WDPCP: variants seen among roughly 807,000 people sequenced by gnomAD.
WDPCP encodes the protein WD repeat-containing and planar cell polarity effector protein fritz homolog.
Under a neutral mutation model 93.1 loss-of-function variants are expected in WDPCP, and 71 were observed. The ratio of observed to expected loss-of-function variants is 0.76; its 90% CI spans 0.63 to 0.93. The LOEUF (loss-of-function observed/expected upper bound fraction) is 0.93. WDPCP is among the 40% of genes least tolerant of loss of function. The pLI is 0.00. For synonymous variants in WDPCP, 315 were observed against 315.0 expected (o/e 1.00, Z 0.00); for missense variants, 844 against 887.4 (o/e 0.95, Z 0.62).
In WDPCP at chr2:63,604,105, A is replaced by T. The variant is rs1575726480; in HGVS notation, n.488+46554T>A. Among the ~76,000 whole-genome samples the T allele has an allele frequency of 2.6e-5, 4 of 152,400 alleles. No homozygotes were observed. In the South Asian group the frequency reaches 8.3e-4, roughly 32 times the overall value. ...AGTGTATATATGTGTGTACACACAC[A>T]CACATACACATATATAAAACCTCTT... On this transcript the variant is annotated intron_variant and non_coding_transcript_variant, in intron 3 of 4. Coordinates refer to the WDPCP transcript ENST00000467687.
At chr2:63,313,060 A>G (rs948430645) in intron 13 of WDPCP, among the ~76,000 whole-genome samples, 188 bp downstream of exon 13, 5 of 152,220 alleles carry the variant, frequency 3.3e-5, no homozygotes, top group African/African-American at 9.6e-5. Flanking sequence ...CAAAATGTCA[A>G]CAAATCAAAA....
intron 13 of WDPCP, among the ~76,000 whole-genome samples, chr2:63,297,164 TG>T (rs536537711): frequency 7.2e-5 from 11 of 152,060 alleles, no homozygotes; most frequent in Non-Finnish European, 1.6e-4. Context: ...GGTCCAGAGG[TG>T]GTGAGTTGGA....
At chr2:63,272,721 A>T (rs1197046478) in intron 13 of WDPCP, among the ~76,000 whole-genome samples, 1 of 152,232 alleles carries the variant, frequency 6.6e-6, no homozygotes. Context: ...GATCAAATAC[A>T]AGAAATAATC....
chr2:63,356,519 A>G (rs1690031102), intron 12 of WDPCP, among the ~76,000 whole-genome samples: 1 of 152,252 alleles, frequency 6.6e-6, no homozygotes, highest in Non-Finnish European at 1.5e-5. Flanking sequence ...AATCAACCAC[A>G]TAATTGAACA....
At chr2:63,669,455 G>A (rs893448377) in intron 2 of WDPCP, among the ~76,000 whole-genome samples, 8 of 151,658 alleles carry the variant, frequency 5.3e-5, no homozygotes, top group African/African-American at 4.8e-5. Context: ...CACCTCCTGG[G>A]TTCAAGCGAT....
At chr2:63,828,250 C>A (rs1671141708), upstream of WDPCP, among the ~76,000 whole-genome samples, 1 of 151,824 alleles carries the variant, frequency 6.6e-6, no homozygotes, top group Admixed American at 6.6e-5. Context: ...CATGTCCTAG[C>A]ACTGCAGCTT....
At chr2:63,627,843 G>A (rs59031693) in intron 3 of WDPCP, among the ~76,000 whole-genome samples, 273 of 152,260 alleles carry the variant, frequency 1.8e-3, no homozygotes, top group African/African-American at 6.3e-3. Context: ...AAGAGCTTGG[G>A]TGCCATGTCT....
At position 63,350,578 on chromosome 2, in the gene WDPCP, G is replaced by A. The variant is rs377252831; in HGVS notation, c.1748+27808C>T. Among the ~76,000 whole-genome samples, 356 of 152,176 alleles carry A rather than the reference G, an allele frequency of 2.3e-3. 1 individual carries two copies. Among genetic ancestry groups the A allele is most frequent in the Non-Finnish European group, 4.1e-3 (281 of 68,000 alleles). On this transcript the variant is annotated intron_variant, in intron 12 of 17. Transcript: ENST00000272321. ...CATTGTCAGTCCCTGGAAGTTGCGG[G>A]TTTAAGGCTTACACTGTGAGCTACT...
rs10208059 is a variant in WDPCP at position 63,281,564 on chromosome 2, A to G, written c.1813-22155T>C. Among the ~76,000 whole-genome samples, 128 of 152,376 alleles carry G rather than the reference A, an allele frequency of 8.4e-4. No individual in the cohort carries two copies. In the Middle Eastern group the frequency reaches 0.01, roughly 12 times the overall value. ...AGTAGCAAAATTTGCAATTGCAAAA[A>G]TATGGAACCAGTCCAAATACCAATC... On this transcript the variant is annotated intron_variant, in intron 13 of 17. Coordinates refer to ENST00000272321, the MANE Select transcript of WDPCP (RefSeq NM_015910.7).
At chr2:63,791,988 A>G (rs1670552043) in intron 2 of WDPCP, among the ~76,000 whole-genome samples, 1 of 152,190 alleles carries the variant, frequency 6.6e-6, no homozygotes, top group Non-Finnish European at 1.5e-5. Flanking sequence ...GAAAAAAACT[A>G]TATTAATTCA....
At chr2:63,722,482 C>A (rs1160755241) in intron 2 of WDPCP, among the ~76,000 whole-genome samples, 136 of 137,960 alleles carry the variant, frequency 9.9e-4, no homozygotes, top group Non-Finnish European at 9.8e-4. Context: ...GTGAGGAGCC[C>A]CTCCGCCCGG....
intron 14 of WDPCP, among the ~76,000 whole-genome samples, chr2:63,188,969 A>G (rs1156407210): frequency 1.3e-5 from 2 of 152,218 alleles, no homozygotes; most frequent in Non-Finnish European, 2.9e-5. Flanking sequence ...CAGGCTGGCT[A>G]GAGGTTCTAA....
At chr2:63,145,619 AG>A (rs1671440860) in intron 17 of WDPCP, among the ~76,000 whole-genome samples, 1 of 152,162 alleles carries the variant, frequency 6.6e-6, no homozygotes, top group African/African-American at 2.4e-5. Flanking sequence ...CCCCAACAAC[AG>A]TCCTGAGTCT....
At chr2:63,634,735 A>C (rs933368757) in intron 3 of WDPCP, among the ~76,000 whole-genome samples, 1 of 152,230 alleles carries the variant, frequency 6.6e-6, no homozygotes, top group Non-Finnish European at 1.5e-5. Context: ...AGGGAAATTT[A>C]AAAATATCTT....
chr2:63,308,769 G>C (rs1685948231), intron 13 of WDPCP, among the ~76,000 whole-genome samples: 1 of 152,164 alleles, frequency 6.6e-6, no homozygotes, highest in Non-Finnish European at 1.5e-5. Context: ...GGGAGAGACA[G>C]CATTAGGAGA....
chr2:63,645,791 A>C (rs1269738175), intron 3 of WDPCP, among the ~76,000 whole-genome samples: 4 of 152,034 alleles, frequency 2.6e-5, no homozygotes. Context: ...TTCTCTTAAA[A>C]TCTATTTTGT....
chr2:63,209,883 T>A (rs1480501003), intron 14 of WDPCP, among the ~76,000 whole-genome samples: 2 of 152,176 alleles, frequency 1.3e-5, no homozygotes, highest in Non-Finnish European at 2.9e-5. Context: ...TTTGTTAAAT[T>A]TTTAAAAAGT....
intron 6 of WDPCP, among the ~76,000 whole-genome samples, chr2:63,471,368 G>A (rs540056971): frequency 6.6e-6 from 1 of 152,322 alleles, no homozygotes; most frequent in South Asian, 2.1e-4. Flanking sequence ...CCAATTCTTG[G>A]AAGTCCCACC....
At chr2:63,652,770 T>TCAGTTAC (rs140770) in intron 2 of WDPCP, among the ~76,000 whole-genome samples, 1 of 151,702 alleles carries the variant, frequency 6.6e-6, no homozygotes, top group Admixed American at 6.6e-5. Context: ...GTTGGAAAAC[T>TCAGTTAC]TAAGTCCAAC....
Sources: gnomAD v4.1 joint callset for allele counts (sites outside exome capture counted in the v4.1 genomes callset) on GRCh38, gnomAD v4.1.1 for gene constraint, MANE v1.5 for transcripts, NCBI Gene and HGNC (gene_info 2026-07-23, HGNC 2026-07-21) for gene names.